CELSR1: variants seen among roughly 807,000 people sequenced by gnomAD.
CELSR1 encodes the protein adhesion G protein-coupled receptor C1.
CELSR1 carries 110 observed loss-of-function variants against 249.1 expected under a neutral mutation model. That is an observed-to-expected ratio of 0.44 (90% CI 0.38 to 0.52). CELSR1 has a LOEUF of 0.52. CELSR1 is among the 20% of genes least tolerant of loss of function. The pLI, the probability that CELSR1 is intolerant of heterozygous loss-of-function variation, is 0.00. For missense variants in CELSR1, 4,109 were observed against 4,296.4 expected (o/e 0.96, Z 1.22); for synonymous variants, 2,113 against 1,900.0 (o/e 1.11, Z -2.92).
chr22:46,516,092 C>T (rs2080624437), intron 1 of CELSR1, among the ~76,000 whole-genome samples: 1 of 152,138 alleles, frequency 6.6e-6, no homozygotes, highest in Non-Finnish European at 1.5e-5. Context: ...TTTGACCCAG[C>T]CATCCCATTA....
At chr22:46,459,540 G>T (rs778742787) in intron 2 of CELSR1, among the ~76,000 whole-genome samples, 1 of 152,214 alleles carries the variant, frequency 6.6e-6, no homozygotes, top group Non-Finnish European at 1.5e-5. Context: ...TCAGAAGCCA[G>T]AATGCCTGGG....
chr22:46,382,052 T>C lies in CELSR1; in HGVS notation c.6884-2A>G. 1 of 1,529,338 alleles carries C rather than the reference T, an allele frequency of 6.5e-7. No homozygotes were observed. The highest frequency in any genetic ancestry group is 8.8e-7 in the Non-Finnish European group (1 of 1,136,666). The allele number at this position is 1,529,338 out of a possible 1,614,324, so 94.7% of individuals were successfully genotyped here. Reference sequence around the variant, plus strand: ...CAGCCGGCCTCAGCAGGGGGCCTTCTGCAATGTGAGCAGAAGGTGAGGACT... The same window carrying C: ...CAGCCGGCCTCAGCAGGGGGCCTTCCGCAATGTGAGCAGAAGGTGAGGACT... On this transcript the variant is annotated splice_acceptor_variant, in intron 20 of 34. Coordinates refer to ENST00000674500, the MANE Select transcript of CELSR1 (RefSeq NM_001378328.1). LOFTEE classifies it high-confidence loss of function.
At chr22:46,531,206 T>TTTAC (rs2080788826) in intron 1 of CELSR1, among the ~76,000 whole-genome samples, 1 of 151,482 alleles carries the variant, frequency 6.6e-6, no homozygotes, top group Non-Finnish European at 1.5e-5. Flanking sequence ...TATTTATTTA[T>TTTAC]TTATTTATTT....
At position 46,448,350 on chromosome 22, in the gene CELSR1, C is replaced by T. The variant is rs71313048; in HGVS notation, c.4184-8939G>A. 4.9e-4 allele frequency among the ~76,000 whole-genome samples: 75 copies of T among 152,118 alleles called. No homozygotes were observed. Among genetic ancestry groups the T allele is most frequent in the Admixed American group, 8.5e-4 (13 of 15,262 alleles). On this transcript the variant is annotated intron_variant, in intron 2 of 34. Transcript: ENST00000674500. The surrounding 1 kb of genome is among the most constrained non-coding windows in gnomAD (Gnocchi z 5.7). ...AACCCCTGGCTCAAGAGCTCCAGAA[C>T]TTACCCCTGGGGGGCTGCTCCAGGA... is the stretch of plus-strand genomic sequence containing the variant.
chr22:46,386,742 GT>G (rs372756867), intron 18 of CELSR1, among the ~76,000 whole-genome samples, 157 bp from the exon 19 acceptor site: 4,553 of 152,046 alleles, frequency 0.03, 225 homozygotes, highest in African/African-American at 0.1. Flanking sequence ...GTTGTTTTTT[GT>G]TTTTTGTTGT....
chr22:46,524,680 T>C (rs2147800350), intron 1 of CELSR1, among the ~76,000 whole-genome samples: 1 of 152,182 alleles, frequency 6.6e-6, no homozygotes. Flanking sequence ...TGTGGGGCTT[T>C]TCCCAGCTAT....
intron 4 of CELSR1, among the ~76,000 whole-genome samples, chr22:46,435,460 T>C (rs193127623): frequency 1.3e-5 from 2 of 151,502 alleles, no homozygotes; most frequent in African/African-American, 4.8e-5. Context: ...TTTTGTATTT[T>C]CAGTAGAGAT....
rs200795497 is a variant in CELSR1 at position 46,389,304 on chromosome 22, C to T, written c.6541G>A (p.Ala2181Thr). ...CACCCGCCTACCTCGTGAAAGTCGG[C>T]GTCCTGCGTGGCTGCCAGGTCGAAG... ...QGFDLAATQD[A>T]DFHEDVIHSG... Residue 2181 changes from alanine (A) to threonine (T), a missense_variant, in exon 18 of 35, where the codon GCC becomes ACC. Transcript: ENST00000674500. 1.3e-4 allele frequency: 211 copies of T among 1,606,498 alleles called. No homozygotes were observed. Among genetic ancestry groups the T allele is most frequent in the Non-Finnish European group, 1.6e-4 (192 of 1,179,714 alleles).
At chr22:46,480,953 C>T (rs2080259878) in intron 1 of CELSR1, among the ~76,000 whole-genome samples, 1 of 152,158 alleles carries the variant, frequency 6.6e-6, no homozygotes, top group Admixed American at 6.6e-5. Flanking sequence ...GACTAAAATT[C>T]CGGCCGGGTC....
intron 1 of CELSR1, among the ~76,000 whole-genome samples, chr22:46,479,382 A>G (rs918636350): frequency 6.6e-6 from 1 of 152,134 alleles, no homozygotes; most frequent in East Asian, 2.0e-4. Flanking sequence ...GGCAGCTGCC[A>G]GGGGAAAACT....
intron 27 of CELSR1, 104 bp downstream of exon 27, chr22:46,369,075 A>C (rs2078820450): frequency 9.1e-6 from 9 of 987,890 alleles, no homozygotes; most frequent in Middle Eastern, 2.5e-4. Context: ...GCCCTCCTCC[A>C]TGAGGCCTAC....
chr22:46,464,313 G>C lies in CELSR1; in HGVS notation c.3577C>G (p.Leu1193Val). The change falls in exon 2 of 35, where the codon CTG becomes GTG. Residue 1193 changes from leucine to valine, a missense_variant. By Grantham distance (32) the Leu-to-Val change is conservative. Around this residue, in one of 7 missense-constraint regions of CELSR1, gnomAD observed 886 missense variants for 896.5 expected, o/e 0.99. Coordinates refer to ENST00000674500, the MANE Select transcript of CELSR1 (RefSeq NM_001378328.1). This position sits in a 1 kb window ranked among gnomAD's most constrained non-coding sequence, Gnocchi z 8.5. ...GIHSVTAFCTLRVTIITDDML... is the reference protein window; with the variant it reads ...GIHSVTAFCTVRVTIITDDML... Reference sequence around the variant, plus strand: ...TCGTCCGTGATGATGGTGACACGCAGGGTGCAGAAGGCCGTGACGCTGTGG... The same window carrying C: ...TCGTCCGTGATGATGGTGACACGCACGGTGCAGAAGGCCGTGACGCTGTGG... The C allele has an allele frequency of 6.2e-7, 1 of 1,612,650 alleles. No homozygotes were observed. The highest frequency in any genetic ancestry group is 1.7e-4 in the Middle Eastern group (1 of 5,856).
intron 20 of CELSR1, 117 bp from the exon 21 acceptor site, chr22:46,382,167 C>T (rs1253433911): frequency 1.4e-5 from 13 of 961,828 alleles, no homozygotes; most frequent in Admixed American, 2.9e-5. Context: ...AAAACAGTAC[C>T]GTGGGTCCCC....
At position 46,363,489 on chromosome 22, in the gene CELSR1, G is replaced by A. The variant is rs150114671; in HGVS notation, c.9036-242C>T. On this transcript the variant is annotated intron_variant, in intron 34 of 34. Coordinates refer to ENST00000674500, the MANE Select transcript of CELSR1 (RefSeq NM_001378328.1). This position sits in a 1 kb window ranked among gnomAD's most constrained non-coding sequence, Gnocchi z 4.3. ...TTTCAGAAGAGCGCAAGGAATCCAC[G>A]TTAGAAACCGGCCATCTCTACAGTG... is the stretch of plus-strand genomic sequence containing the variant. 1.1e-3 allele frequency: 509 copies of A among 464,574 alleles called. No homozygotes were observed. Among genetic ancestry groups the A allele is most frequent in the Non-Finnish European group, 1.6e-3 (416 of 254,992 alleles). The allele number at this position is 464,574 out of a possible 1,614,324, so 28.8% of individuals were successfully genotyped here. A position where few individuals can be genotyped will look rare whatever the true frequency, so the allele number is the denominator to read the frequency against.
intron 13 of CELSR1, among the ~76,000 whole-genome samples, 154 bp from the exon 14 acceptor site, chr22:46,394,416 T>A (rs906887383): frequency 5.3e-5 from 8 of 152,016 alleles, no homozygotes; most frequent in African/African-American, 1.9e-4. Flanking sequence ...GGCCTCAGTC[T>A]CCCCTCTACC....
At chr22:46,435,245 C>T (rs548242481) in intron 4 of CELSR1, among the ~76,000 whole-genome samples, 114 of 147,784 alleles carry the variant, frequency 7.7e-4, no homozygotes, top group African/African-American at 2.6e-3. Flanking sequence ...AGCCACCTTG[C>T]CTGGCCAGCC....
In CELSR1 at chr22:46,448,451, G is replaced by A. The variant is rs2079845528; in HGVS notation, c.4184-9040C>T. On this transcript the variant is annotated intron_variant, in intron 2 of 34. Coordinates refer to ENST00000674500, the MANE Select transcript of CELSR1 (RefSeq NM_001378328.1). This position sits in a 1 kb window ranked among gnomAD's most constrained non-coding sequence, Gnocchi z 5.7. ...CAGCAGGCAGAGAACCTCAGGACCT[G>A]GGGGAGGGCTGGGAACGCGCTGGGA... 3.0e-6 allele frequency: 1 copy of A among 336,190 alleles called. No homozygotes were observed. Among genetic ancestry groups the A allele is most frequent in the African/African-American group, 2.2e-5 (1 of 45,974 alleles). The allele number at this position is 336,190 out of a possible 1,614,324, so 20.8% of individuals were successfully genotyped here. A position where few individuals can be genotyped will look rare whatever the true frequency, so the allele number is the denominator to read the frequency against.
In CELSR1 at chr22:46,384,573, C is replaced by G; in HGVS notation, c.6853G>C (p.Ala2285Pro). 1 of 1,612,782 alleles carries G rather than the reference C, an allele frequency of 6.2e-7. No homozygotes were observed. The highest frequency in any genetic ancestry group is 1.7e-5 in the Admixed American group (1 of 59,732). Residue 2285 changes from alanine to proline, a missense_variant, in exon 20 of 35, where the codon GCC becomes CCC. Physicochemically the swap from Ala to Pro is conservative, Grantham distance 27 (BLOSUM62 -1). Transcript: ENST00000674500. ...RELESSVSFP[A>P]DFFRPPEEKE... The stretch of plus-strand genomic sequence containing the variant: ...TCTTCAGGTGGTCTGAAGAAGTCGG[C>G]TGGGAAGGAGACGGAGGACTCCAGC...
rs2078822512 is a variant in CELSR1 at position 46,369,196 on chromosome 22, A to G, written c.7935T>C (p.Tyr2645=). Residue 2645 remains tyrosine (Y), a synonymous_variant, in exon 27 of 35, where the codon TAT becomes TAC. Coordinates refer to ENST00000674500, the MANE Select transcript of CELSR1 (RefSeq NM_001378328.1). ...KVSCQRKHHY[Y]GKKGIVSLLR... ...CCACTTACACGATCCCTTTTTTCCC[A>G]TAATAATGGTGCTTTCTTTGGCAGG... is the stretch of plus-strand genomic sequence containing the variant. The G allele has an allele frequency of 1.9e-6, 3 of 1,613,834 alleles. No homozygotes were observed. Among genetic ancestry groups the G allele is most frequent in the Non-Finnish European group, 2.5e-6 (3 of 1,179,912 alleles).
Sources: allele counts gnomAD v4.1 joint callset (sites outside exome capture counted in the v4.1 genomes callset), GRCh38; gene constraint gnomAD v4.1.1; regional missense constraint gnomAD v4.1.1; non-coding constraint Gnocchi (gnomAD v3.1); transcripts MANE v1.5; gene names NCBI Gene and HGNC (gene_info 2026-07-23, HGNC 2026-07-21).